DMD: variants seen among roughly 807,000 people sequenced by gnomAD.
DMD encodes the protein dystrophin, also known as mutant dystrophin.
In DMD, 63 loss-of-function variants were observed where a neutral mutation model predicts 330.1. That is an observed-to-expected ratio of 0.19 (90% CI 0.16 to 0.24). DMD has a LOEUF of 0.24. Among genes scored for constraint, DMD ranks in the 10% least tolerant of loss-of-function variants. The pLI is 1.00. For synonymous variants in DMD, 1,223 were observed against 959.8 expected (o/e 1.27, Z -5.07); for missense variants, 3,344 against 2,684.1 (o/e 1.25, Z -5.43).
chrX:31,715,055 CTT>C (rs1163529228), intron 52 of DMD, among the ~76,000 whole-genome samples: 2 of 111,480 alleles, frequency 1.8e-5, no homozygotes, highest in East Asian at 5.6e-4. Context: ...TAGTCATACA[CTT>C]TGTTTATATA....
At position 32,335,678 on chromosome X, in the gene DMD, TATATAAC is replaced by T. The variant is rs1361039394; in HGVS notation, c.5922+6415_5922+6421del. Among the ~76,000 whole-genome samples, 3 of 106,439 alleles carry T rather than the reference TATATAAC, an allele frequency of 2.8e-5. No individual in the cohort carries two copies. The East Asian group carries it at 8.7e-4, about 31-fold the overall frequency. The allele number at this position is 106,439 out of a possible 115,157, so 92.4% of individuals were successfully genotyped here. A position where few individuals can be genotyped will look rare whatever the true frequency, so the allele number is the denominator to read the frequency against. ...ATACATAACATATACATAATATGTA[TATATAAC>T]ATATAACATGTTATATACATAACAT... On this transcript the variant is annotated intron_variant, in intron 41 of 78. Transcript: ENST00000357033.
chrX:32,993,773 T>C (rs2093042210), intron 2 of DMD, among the ~76,000 whole-genome samples: 1 of 110,730 alleles, frequency 9.0e-6, no homozygotes. Context: ...TTAAATTGGA[T>C]TGTGAACAAT....
At chrX:31,268,097 C>T (rs1014650577) in intron 62 of DMD, among the ~76,000 whole-genome samples, 7 of 111,955 alleles carry the variant, frequency 6.3e-5, no homozygotes, top group Admixed American at 3.8e-4. Flanking sequence ...CACTGTGTTG[C>T]CCAGGCTGGT....
intron 2 of DMD, among the ~76,000 whole-genome samples, chrX:32,932,584 G>A (rs986327995): frequency 8.9e-6 from 1 of 111,850 alleles, no homozygotes; most frequent in Non-Finnish European, 1.9e-5. Context: ...ATATCATAAG[G>A]GTGAAGAAAG....
chrX:32,398,008 A>G (rs376600819), intron 30 of DMD, among the ~76,000 whole-genome samples: 3 of 111,199 alleles, frequency 2.7e-5, no homozygotes, highest in Non-Finnish European at 1.9e-5. Flanking sequence ...AGTAATTTTG[A>G]AAGAGCCAGT....
At chrX:31,726,966 C>T (rs1344745211) in intron 52 of DMD, among the ~76,000 whole-genome samples, 1 of 111,289 alleles carries the variant, frequency 9.0e-6, no homozygotes, top group Non-Finnish European at 1.9e-5. Context: ...GAGATACAAA[C>T]TTGCCCTCCG....
In DMD at chrX:32,193,397, G is replaced by A. The variant is rs568022855; in HGVS notation, c.6438+23519C>T. 2.1e-4 allele frequency among the ~76,000 whole-genome samples: 23 copies of A among 111,800 alleles called. No homozygotes were observed. In the South Asian group the frequency reaches 3.7e-3, roughly 18 times the overall value. On this transcript the variant is annotated intron_variant, in intron 44 of 78. Transcript: ENST00000357033. ...CCATGTAATTTTATGAATGTCTTTC[G>A]TATATCCTTTCAGGGATTGGACGTT... is the stretch of plus-strand genomic sequence containing the variant.
intron 72 of DMD, 142 bp downstream of exon 72, chrX:31,173,397 G>A (rs1297250646): frequency 1.6e-6 from 1 of 629,341 alleles, no homozygotes; most frequent in Non-Finnish European, 2.6e-6. Flanking sequence ...GGAACGGCAT[G>A]CACGTTAGAG....
intron 7 of DMD, among the ~76,000 whole-genome samples, chrX:32,777,925 A>G (rs191422616): frequency 2.3e-4 from 26 of 112,462 alleles, no homozygotes; most frequent in Admixed American, 2.2e-3. Flanking sequence ...GTGCATGCAC[A>G]TAATTATATA....
At chrX:32,520,171 C>T (rs772867270) in intron 17 of DMD, among the ~76,000 whole-genome samples, 51 of 111,486 alleles carry the variant, frequency 4.6e-4, no homozygotes, top group Non-Finnish European at 1.7e-4. Context: ...TTTTATCTTT[C>T]CTACATTTTT....
intron 30 of DMD, among the ~76,000 whole-genome samples, chrX:32,397,937 G>T (rs1220891478): frequency 1.8e-5 from 2 of 111,077 alleles, no homozygotes; most frequent in East Asian, 2.8e-4. Context: ...TTTAGTAAAA[G>T]ATATTAAAAT....
In DMD at chrX:31,217,432, A is replaced by G. The variant is rs1421552552; in HGVS notation, c.9361+5615T>C. 2.7e-5 allele frequency among the ~76,000 whole-genome samples: 3 copies of G among 109,686 alleles called. No homozygotes were observed. The Admixed American group carries it at 2.9e-4, about 11-fold the overall frequency. On this transcript the variant is annotated intron_variant, in intron 64 of 78. Coordinates refer to ENST00000357033, the MANE Select transcript of DMD (RefSeq NM_004006.3). ...ATACGGAAACATTGATAGGGAAGTGAAAAAAAAATAAGATCAAGTGCTTAA... is the reference window on the plus strand; with the variant it reads ...ATACGGAAACATTGATAGGGAAGTGGAAAAAAAATAAGATCAAGTGCTTAA...
chrX:32,743,541 G>A (rs1283923021), intron 7 of DMD, among the ~76,000 whole-genome samples: 1 of 111,182 alleles, frequency 9.0e-6, no homozygotes, highest in African/African-American at 3.3e-5. Flanking sequence ...TTCTGGTTAG[G>A]ATTCTAACCA....
At chrX:32,035,268 T>G (rs2095933331) in intron 44 of DMD, among the ~76,000 whole-genome samples, 1 of 111,729 alleles carries the variant, frequency 9.0e-6, no homozygotes, top group Admixed American at 9.6e-5. Context: ...TTTAAAAAAT[T>G]TAAAAAAGAA....
chrX:32,481,221 T>G (rs978759273), intron 21 of DMD, among the ~76,000 whole-genome samples: 5 of 110,875 alleles, frequency 4.5e-5, no homozygotes, highest in African/African-American at 6.5e-5. Flanking sequence ...CAAGAATATC[T>G]TCTGTGCTAC....
intron 53 of DMD, among the ~76,000 whole-genome samples, chrX:31,678,815 A>G (rs957019466): frequency 8.9e-5 from 10 of 112,014 alleles, no homozygotes; most frequent in Non-Finnish European, 1.9e-4. Flanking sequence ...ACGTATACCA[A>G]TTTTGAAGTG....
chrX:33,253,767 C>G (rs1444190684), intron 1 of DMD, among the ~76,000 whole-genome samples: 1 of 111,136 alleles, frequency 9.0e-6, no homozygotes, highest in Non-Finnish European at 1.9e-5. Flanking sequence ...GTCATCTAGT[C>G]TCTAATGAGG....
chrX:31,292,711 T>C (rs1405656909), intron 62 of DMD, among the ~76,000 whole-genome samples: 4 of 111,772 alleles, frequency 3.6e-5, no homozygotes, highest in Non-Finnish European at 7.5e-5. Context: ...AGAACCAAAA[T>C]GTTCCCCAAC....
chrX:31,741,944 T>C (rs771550105), intron 51 of DMD, among the ~76,000 whole-genome samples: 4 of 112,200 alleles, frequency 3.6e-5, no homozygotes, highest in Non-Finnish European at 7.5e-5. Context: ...ATCTTCTGGA[T>C]AGTTTGCTGC....
Sources: gnomAD v4.1 joint callset for allele counts (sites outside exome capture counted in the v4.1 genomes callset) on GRCh38, gnomAD v4.1.1 for gene constraint, MANE v1.5 for transcripts, NCBI Gene and HGNC (gene_info 2026-07-23, HGNC 2026-07-21) for gene names.